The following MYH16 variants were observed in gnomAD, a reference collection of about 807,000 sequenced individuals.
MYH16 encodes myosin heavy chain 16.
intron 10 of MYH16, among the ~76,000 whole-genome samples, chr7:99,257,683 G>C (rs1198940342): frequency 6.6e-6 from 1 of 152,196 alleles, no homozygotes; most frequent in Non-Finnish European, 1.5e-5. Context: ...TTGTTGCCTA[G>C]GTGGGAGCGC....
chr7:99,296,081 T>C (rs1056121170), intron 33 of MYH16, among the ~76,000 whole-genome samples: 11 of 144,318 alleles, frequency 7.6e-5, no homozygotes, highest in Admixed American at 2.8e-4. Flanking sequence ...GAGACGGAGG[T>C]TGCAGTGAGC....
intron 29 of MYH16, 110 bp from the exon 11 acceptor site, chr7:99,289,177 G>T: frequency 4.8e-6 from 1 of 210,328 alleles, no homozygotes; most frequent in South Asian, 4.9e-5. Context: ...CTCCAGGCAG[G>T]TAGCCTGGGA....
At chr7:99,248,501 T>A (rs1200041053) in intron 3 of MYH16, among the ~76,000 whole-genome samples, 3 of 152,166 alleles carry the variant, frequency 2.0e-5, no homozygotes, top group African/African-American at 4.8e-5. Context: ...GCCCAAGCAA[T>A]CCTCCTGCTT....
exon 34 of MYH16, chr7:99,296,910 C>T (rs1309203079): frequency 2.2e-6 from 1 of 456,598 alleles, no homozygotes; most frequent in Non-Finnish European, 4.4e-6. Flanking sequence ...AGAATAAGAC[C>T]CTGCAGGGTG....
chr7:99,295,776 T>C (rs555122265), intron 33 of MYH16, among the ~76,000 whole-genome samples: 18 of 150,364 alleles, frequency 1.2e-4, no homozygotes, highest in Non-Finnish European at 2.5e-4. Flanking sequence ...GAGGCTACAG[T>C]TAGCTATGAT....
chr7:99,276,823 T>C (rs1367901292), intron 20 of MYH16, among the ~76,000 whole-genome samples: 2 of 145,960 alleles, frequency 1.4e-5, no homozygotes, highest in Non-Finnish European at 3.0e-5. Context: ...CACACACACA[T>C]AGAGAAAAAC....
chr7:99,245,817 C>T (rs1584339970), intron 2 of MYH16, among the ~76,000 whole-genome samples: 2 of 152,258 alleles, frequency 1.3e-5, no homozygotes, highest in South Asian at 2.1e-4. Flanking sequence ...TAAGCCACTG[C>T]GCCTGGCCTT....
At chr7:99,278,842 C>A (rs1025633649) in intron 21 of MYH16, among the ~76,000 whole-genome samples, 12 of 152,180 alleles carry the variant, frequency 7.9e-5, no homozygotes, top group Admixed American at 6.5e-5. Flanking sequence ...GTTGCTTGAA[C>A]TGATATCCCC....
At chr7:99,290,765 T>C (rs1013824588) in intron 30 of MYH16, 1 of 150,604 alleles carries the variant, frequency 6.6e-6, no homozygotes, top group African/African-American at 2.5e-5. Context: ...AGCACGCCAC[T>C]GTACTCCAGC....
At chr7:99,283,797 C>T in intron 24 of MYH16, 76 bp from the exon 7 acceptor site, 1 of 432,500 alleles carries the variant, frequency 2.3e-6, no homozygotes, top group Non-Finnish European at 4.7e-6. Flanking sequence ...AAGGATCGGA[C>T]CCAGTCTGGT....
At chr7:99,279,510 G>T in exon 22 of MYH16, 1 of 456,602 alleles carries the variant, frequency 2.2e-6, no homozygotes, top group South Asian at 1.5e-5. Context: ...CTCCCAACAG[G>T]AGCAAGAGAA....
chr7:99,270,337 T>C (rs1792032422), intron 18 of MYH16, among the ~76,000 whole-genome samples: 1 of 150,886 alleles, frequency 6.6e-6, no homozygotes, highest in Non-Finnish European at 1.5e-5. Flanking sequence ...TTTTTTTTTT[T>C]TTTTGAGACT....
At chr7:99,300,224 T>A (rs1792571265) in intron 37 of MYH16, among the ~76,000 whole-genome samples, 1 of 151,932 alleles carries the variant, frequency 6.6e-6, no homozygotes, top group Non-Finnish European at 1.5e-5. Flanking sequence ...CCTCCCAAAG[T>A]GCTGGGATTA....
intron 31 of MYH16, 102 bp downstream of exon 12, chr7:99,291,552 G>C: frequency 2.6e-6 from 1 of 385,052 alleles, no homozygotes. Flanking sequence ...CAGAACTTTG[G>C]GAGGCCTAGG....
At position 99,240,165 on chromosome 7, in the gene MYH16, A is replaced by G. The variant is rs374309593; in HGVS notation, n.210+1127A>G. ...AATCCTTTTGGCAATCTTATGTGGTAGGATTTATTGACCCTATTTTGCAGA... is the reference window on the plus strand; with the variant it reads ...AATCCTTTTGGCAATCTTATGTGGTGGGATTTATTGACCCTATTTTGCAGA... On this transcript the variant is annotated intron_variant and non_coding_transcript_variant, in intron 1 of 41. Transcript: ENST00000439784. Among the ~76,000 whole-genome samples the G allele has an allele frequency of 3.3e-5, 5 of 152,258 alleles. No homozygotes were observed. In the East Asian group the frequency reaches 9.6e-4, roughly 29 times the overall value.
intron 20 of MYH16, among the ~76,000 whole-genome samples, chr7:99,274,302 A>G (rs1183260388): frequency 6.6e-6 from 1 of 152,228 alleles, no homozygotes; most frequent in East Asian, 1.9e-4. Context: ...ATTAAGAGGG[A>G]CATGTCTCTG....
At chr7:99,271,762 C>T (rs796322202) in intron 19 of MYH16, among the ~76,000 whole-genome samples, 38 of 152,224 alleles carry the variant, frequency 2.5e-4, no homozygotes, top group African/African-American at 9.1e-4. Flanking sequence ...TACAGTGGTG[C>T]GATCATAGCT....
At chr7:99,288,041 GC>G in exon 29 of MYH16, 1 of 456,796 alleles carries the variant, frequency 2.2e-6, no homozygotes, top group Non-Finnish European at 4.4e-6. Flanking sequence ...TGGAGAGCCT[GC>G]AGAGGGTCAA....
intron 2 of MYH16, among the ~76,000 whole-genome samples, chr7:99,245,514 T>C (rs1239296403): frequency 6.6e-6 from 1 of 152,116 alleles, no homozygotes; most frequent in Non-Finnish European, 1.5e-5. Context: ...ATGATGTAAT[T>C]GGTTTTTCTG....
Sources: allele counts gnomAD v4.1 joint callset (sites outside exome capture counted in the v4.1 genomes callset), GRCh38; gene constraint gnomAD v4.1.1; transcripts MANE v1.5; gene names NCBI Gene and HGNC (gene_info 2026-07-23, HGNC 2026-07-21).